The following NRXN3 variants were observed in gnomAD, a reference collection of about 807,000 sequenced individuals.
The protein encoded by NRXN3 is neurexin III.
Under a neutral mutation model 137.6 loss-of-function variants are expected in NRXN3, and 32 were observed. The ratio of observed to expected loss-of-function variants is 0.23; its 90% confidence interval spans 0.18 to 0.31. NRXN3 has a LOEUF of 0.31. NRXN3 is among the 10% of genes least tolerant of loss of function. NRXN3 has a pLI of 1.00. For missense variants in NRXN3, 1,574 were observed against 2,062.5 expected (o/e 0.76, Z 4.59); for synonymous variants, 798 against 784.5 (o/e 1.02, Z -0.29).
intron 15 of NRXN3, among the ~76,000 whole-genome samples, chr14:79,130,925 C>T (rs1447280083): frequency 1.3e-5 from 2 of 152,084 alleles, no homozygotes; most frequent in Non-Finnish European, 2.9e-5. Context: ...TCATTTCATT[C>T]ACTTCATCTT....
At chr14:78,560,275 T>C (rs373339980) in intron 4 of NRXN3, among the ~76,000 whole-genome samples, 2 of 152,320 alleles carry the variant, frequency 1.3e-5, no homozygotes, top group African/African-American at 4.8e-5. Context: ...TACTGGATTT[T>C]TCCCCCTAAA....
chr14:78,361,312 T>C (rs1170005208), intron 4 of NRXN3, among the ~76,000 whole-genome samples: 1 of 152,166 alleles, frequency 6.6e-6, no homozygotes, highest in Non-Finnish European at 1.5e-5. Flanking sequence ...CAGTCATTGA[T>C]GTAGAGTAAG....
intron 4 of NRXN3, among the ~76,000 whole-genome samples, chr14:78,406,298 C>T (rs758701021): frequency 3.9e-5 from 6 of 152,276 alleles, no homozygotes; most frequent in Admixed American, 6.5e-5. Flanking sequence ...TGTCTCCTAC[C>T]GAGTTGGCTT....
At chr14:78,975,285 C>G (rs1413524653) in intron 14 of NRXN3, among the ~76,000 whole-genome samples, 1 of 151,016 alleles carries the variant, frequency 6.6e-6, no homozygotes, top group East Asian at 2.0e-4. Context: ...GGGGAGTGCT[C>G]AGGGGATATC....
At chr14:78,497,226 A>G (rs374133184) in intron 4 of NRXN3, among the ~76,000 whole-genome samples, 2 of 152,094 alleles carry the variant, frequency 1.3e-5, no homozygotes, top group African/African-American at 4.8e-5. Context: ...ACGGTAATAC[A>G]TTTTACTCTT....
At chr14:79,621,843 T>G (rs2098227413) in intron 16 of NRXN3, among the ~76,000 whole-genome samples, 1 of 152,206 alleles carries the variant, frequency 6.6e-6, no homozygotes. Flanking sequence ...AAGTAATGGA[T>G]CAATTCACAG....
intron 4 of NRXN3, among the ~76,000 whole-genome samples, chr14:78,484,005 C>T (rs1018895073): frequency 6.8e-6 from 1 of 147,480 alleles, no homozygotes; most frequent in Non-Finnish European, 1.5e-5. Context: ...CACACACACA[C>T]ACACACACAC....
chr14:78,469,979 A>G (rs796620672), intron 4 of NRXN3, among the ~76,000 whole-genome samples: 31 of 152,330 alleles, frequency 2.0e-4, no homozygotes, highest in African/African-American at 6.5e-4. Flanking sequence ...TTTGCAGACC[A>G]ATTATCTGTC....
chr14:78,965,135 C>T (rs2099414978), intron 11 of NRXN3, among the ~76,000 whole-genome samples: 1 of 152,128 alleles, frequency 6.6e-6, no homozygotes, highest in Non-Finnish European at 1.5e-5. Flanking sequence ...GCAGTCCTTG[C>T]TTGCAAAGAA....
At chr14:78,399,537 T>C (rs1462112971) in intron 4 of NRXN3, among the ~76,000 whole-genome samples, 1 of 152,196 alleles carries the variant, frequency 6.6e-6, no homozygotes, top group Non-Finnish European at 1.5e-5. Flanking sequence ...TCAGACTCAG[T>C]GCATGAGAAT....
At chr14:79,542,557 T>C (rs1050581377) in intron 16 of NRXN3, among the ~76,000 whole-genome samples, 5 of 152,178 alleles carry the variant, frequency 3.3e-5, no homozygotes, top group Non-Finnish European at 2.9e-5. Context: ...ATAGTTGTAA[T>C]AGCATTTTCT....
At chr14:79,358,255 C>T (rs2093498239) in intron 15 of NRXN3, among the ~76,000 whole-genome samples, 1 of 151,994 alleles carries the variant, frequency 6.6e-6, no homozygotes. Context: ...TACACAGAGC[C>T]AAAGACTATC....
At chr14:78,334,701 A>G (rs369726585) in intron 4 of NRXN3, among the ~76,000 whole-genome samples, 1 of 152,184 alleles carries the variant, frequency 6.6e-6, no homozygotes, top group African/African-American at 2.4e-5. Context: ...TTTACGTACC[A>G]CAGTCTGAAT....
chr14:78,729,764 C>T (rs1193498663), intron 8 of NRXN3, among the ~76,000 whole-genome samples: 3 of 152,148 alleles, frequency 2.0e-5, no homozygotes, highest in Non-Finnish European at 4.4e-5. Flanking sequence ...TAAACCTGGA[C>T]CTCTCTAATT....
At chr14:78,503,570 G>A (rs1408957471) in intron 4 of NRXN3, among the ~76,000 whole-genome samples, 1 of 152,098 alleles carries the variant, frequency 6.6e-6, no homozygotes, top group Non-Finnish European at 1.5e-5. Flanking sequence ...GCAAGGCAGT[G>A]GGAGAATTGT....
At chr14:79,319,730 AGG>A (rs1275702055) in intron 15 of NRXN3, among the ~76,000 whole-genome samples, 1 of 152,166 alleles carries the variant, frequency 6.6e-6, no homozygotes. Flanking sequence ...TGTTGCTTTT[AGG>A]TAAGCTCAGA....
chr14:78,513,779 A>T (rs1423820880), intron 4 of NRXN3, among the ~76,000 whole-genome samples: 2 of 152,138 alleles, frequency 1.3e-5, no homozygotes, highest in Non-Finnish European at 2.9e-5. Flanking sequence ...AGGATTATCA[A>T]TATAAAAATT....
intron 10 of NRXN3, among the ~76,000 whole-genome samples, chr14:78,866,360 A>T (rs2099086745): frequency 6.6e-6 from 1 of 152,192 alleles, no homozygotes; most frequent in African/African-American, 2.4e-5. Context: ...GCATTAATGA[A>T]AAATCAGCAT....
chr14:78,276,450 G>A (rs182294991), intron 2 of NRXN3, among the ~76,000 whole-genome samples: 12 of 152,224 alleles, frequency 7.9e-5, no homozygotes, highest in East Asian at 1.9e-4. Context: ...TGATATTTCC[G>A]TCTGTGGTAA....
Sources: allele counts gnomAD v4.1 joint callset (sites outside exome capture counted in the v4.1 genomes callset), GRCh38; gene constraint gnomAD v4.1.1; transcripts MANE v1.5; gene names NCBI Gene and HGNC (gene_info 2026-07-23, HGNC 2026-07-21).